Variants in TMED4 observed in about 807,000 individuals in gnomAD.
The protein encoded by TMED4 is transmembrane p24 trafficking protein 4.
In TMED4, 19 loss-of-function variants were observed where a neutral mutation model predicts 26.5. That is an observed-to-expected ratio of 0.72 (90% CI 0.50 to 1.05). The LOEUF is 1.05. Among genes scored for constraint, TMED4 ranks in the 50% least tolerant of loss-of-function variants. TMED4 has a pLI of 0.00. For synonymous variants in TMED4, 121 were observed against 119.8 expected (o/e 1.01, Z -0.07); for missense variants, 303 against 302.5 (o/e 1.00, Z -0.01).
chr7:44,581,992 G>A (rs1803018446), intron 1 of TMED4, 55 bp downstream of exon 1: 2 of 1,520,926 alleles, frequency 1.3e-6, no homozygotes, highest in Non-Finnish European at 1.8e-6. Flanking sequence ...AGGAGGGAGC[G>A]CCGCCGAGGG....
Position 44,581,507 on chromosome 7 carries a change from T to C in TMED4, c.329A>G (p.His110Arg). ...FTFTSHTPGD[H>R]QICLHSNSTR... ...AGAATTGGAGTGCAGACAGATTTGA[T>C]GGTCACCGGGCGTGTGGGAGGTGAA... Residue 110 changes from histidine (H) to arginine (R), a missense_variant, in exon 3 of 5, where the codon CAT becomes CGT. His to Arg is a conservative substitution (Grantham distance 29). Coordinates refer to ENST00000457408, the MANE Select transcript of TMED4 (RefSeq NM_182547.4). The C allele has an allele frequency of 6.2e-7, 1 of 1,614,212 alleles. No individual in the cohort carries two copies. The highest frequency in any genetic ancestry group is 8.5e-7 in the Non-Finnish European group (1 of 1,180,030).
rs1424369183 is a variant in TMED4 at position 44,579,353 on chromosome 7, T to G, written c.*126A>C. ...GCAAGTGGCTGATCTGAATGGTTTG[T>G]GGCCATGGAACCAATGTGACTTATT... On this transcript the variant is annotated 3_prime_UTR_variant, in exon 5 of 5. Coordinates refer to ENST00000457408, the MANE Select transcript of TMED4 (RefSeq NM_182547.4). 1.5e-5 allele frequency: 15 copies of G among 1,025,724 alleles called. No homozygotes were observed. The highest frequency in any genetic ancestry group is 2.6e-5 in the Admixed American group (1 of 38,702). The allele number at this position is 1,025,724 out of a possible 1,614,324, so 63.5% of individuals were successfully genotyped here. A position where few individuals can be genotyped will look rare whatever the true frequency, so the allele number is the denominator to read the frequency against.
chr7:44,581,486 T>C lies in TMED4; in HGVS notation c.350A>G (p.Asn117Ser), dbSNP rs778354191. The change falls in exon 3 of 5, where the codon AAT becomes AGT. Residue 117 changes from asparagine to serine, a missense_variant. Asn to Ser is a conservative substitution (Grantham distance 46). Coordinates refer to ENST00000457408, the MANE Select transcript of TMED4 (RefSeq NM_182547.4). ...AGCGAAGAGAGCCATCCTGGTAGAA[T>C]TGGAGTGCAGACAGATTTGATGGTC... Reference protein sequence around the residue: ...PGDHQICLHSNSTRMALFAGG... With the variant: ...PGDHQICLHSSSTRMALFAGG... 13 of 1,614,110 alleles carry C rather than the reference T, an allele frequency of 8.1e-6. No homozygotes were observed. Among genetic ancestry groups the C allele is most frequent in the East Asian group, 2.2e-5 (1 of 44,902 alleles).
At position 44,581,588 on chromosome 7, in the gene TMED4, G is replaced by C. The variant is rs1197229880; in HGVS notation, c.262-14C>G. Reference sequence around the variant, plus strand: ...GGACAGCACCACCTGCAACATATGTGAGTGAAGGCCCCACCTTTATACCGC... The same window carrying C: ...GGACAGCACCACCTGCAACATATGTCAGTGAAGGCCCCACCTTTATACCGC... On this transcript the variant is annotated splice_polypyrimidine_tract_variant and intron_variant, in intron 2 of 4. Transcript: ENST00000457408. The C allele has an allele frequency of 6.2e-7, 1 of 1,614,152 alleles. No individual in the cohort carries two copies. Among genetic ancestry groups the C allele is most frequent in the Non-Finnish European group, 8.5e-7 (1 of 1,180,038 alleles).
rs1233543080 is a variant in TMED4 at position 44,581,774 on chromosome 7, G to C, written c.210C>G (p.Pro70=). The C allele has an allele frequency of 1.9e-6, 3 of 1,614,118 alleles. No individual in the cohort carries two copies. In the African/African-American group the frequency reaches 4.0e-5, roughly 22 times the overall value. The change falls in exon 2 of 5, where the codon CCC becomes CCG. Residue 70 remains proline, a synonymous_variant. Transcript: ENST00000457408. ...CGTGCATGCCCAGGCCAGGGGTCGA[G>C]GGCAGGAAGACCTCCTTCTGCTTAT... ...MWDKQKEVFL[P]STPGLGMHVE...
chr7:44,582,106 A>T lies in TMED4; in HGVS notation c.101T>A (p.Ile34Asn). 6.4e-7 allele frequency: 1 copy of T among 1,561,020 alleles called. No homozygotes were observed. The highest frequency in any genetic ancestry group is 8.7e-7 in the Non-Finnish European group (1 of 1,152,968). ...ATGAQGLYFH[I>N]GETEKRCFIE... ...GAAACAGCGCTTCTCGGTCTCGCCGATGTGGAAGTAGAGCCCCTGGGCGCC... is the reference window on the plus strand; with the variant it reads ...GAAACAGCGCTTCTCGGTCTCGCCGTTGTGGAAGTAGAGCCCCTGGGCGCC... The change falls in exon 1 of 5, where the codon ATC becomes AAC. Residue 34 changes from isoleucine to asparagine, a missense_variant. Coordinates refer to ENST00000457408, the MANE Select transcript of TMED4 (RefSeq NM_182547.4).
rs1802914413 is a variant in TMED4, at chr7:44,579,537, G to GTGAGGA, written c.620_625dup (p.Ile207_Leu208dup). ...GAGGTGACGCATCTGCCAGATGCCA[G>GTGAGGA]TGAGGATGAGGATGACAGTCTGAGC... On this transcript the variant is annotated inframe_insertion, in exon 5 of 5. Transcript: ENST00000457408. The GTGAGGA allele has an allele frequency of 1.2e-6, 2 of 1,614,160 alleles. No homozygotes were observed. Among genetic ancestry groups the GTGAGGA allele is most frequent in the African/African-American group, 2.7e-5 (2 of 75,046 alleles).
intron 4 of TMED4, 122 bp from the exon 5 acceptor site, chr7:44,579,750 C>T: frequency 9.5e-7 from 1 of 1,052,576 alleles, no homozygotes; most frequent in Non-Finnish European, 1.4e-6. Flanking sequence ...ATCTGTGACT[C>T]CATTAGGAGT....
At position 44,582,048 on chromosome 7, in the gene TMED4, G is replaced by C; in HGVS notation, c.159C>G (p.Ile53Met). 1 of 1,558,692 alleles carries C rather than the reference G, an allele frequency of 6.4e-7. No individual in the cohort carries two copies. Among genetic ancestry groups the C allele is most frequent in the Non-Finnish European group, 8.7e-7 (1 of 1,150,552 alleles). ...CTCCCCACCCTCAGCCCGCCTGACC[G>C]ATGACCATGGTCTCGTCGGGGATTT... ...IEEIPDETMV[I>M]GNYRTQMWDK... The change falls in exon 1 of 5, where the codon ATC becomes ATG. Residue 53 changes from isoleucine to methionine, a missense_variant and splice_region_variant. Ile to Met is a conservative substitution (Grantham distance 10). Coordinates refer to ENST00000457408, the MANE Select transcript of TMED4 (RefSeq NM_182547.4).
Position 44,579,448 on chromosome 7 carries a change from G to A in TMED4, c.*31C>T. 2 of 1,597,194 alleles carry A rather than the reference G, an allele frequency of 1.3e-6. No homozygotes were observed. The highest frequency in any genetic ancestry group is 1.7e-6 in the Non-Finnish European group (2 of 1,168,906). On this transcript the variant is annotated 3_prime_UTR_variant, in exon 5 of 5. Coordinates refer to ENST00000457408, the MANE Select transcript of TMED4 (RefSeq NM_182547.4). ...TGTGGGGAAAGTACCAAATAAATGA[G>A]GTAAAAAGGAAGGGTCATACAAAGA... is the stretch of plus-strand genomic sequence containing the variant.
Position 44,578,431 on chromosome 7 carries a change from A to G in TMED4, c.*1048T>C, listed in dbSNP as rs1278822233. 1 of 152,344 alleles carries G rather than the reference A, an allele frequency of 6.6e-6. No individual in the cohort carries two copies. The highest frequency in any genetic ancestry group is 1.5e-5 in the Non-Finnish European group (1 of 68,036). The allele number at this position is 152,344 out of a possible 1,614,324, so 9.4% of individuals were successfully genotyped here. On this transcript the variant is annotated 3_prime_UTR_variant, in exon 5 of 5. Coordinates refer to ENST00000457408, the MANE Select transcript of TMED4 (RefSeq NM_182547.4). Reference sequence around the variant, plus strand: ...AAGGAGGGTAAGAGTGCATTGCCCCATTCTAGCTCTGTTGCTACCTTACCT... The same window carrying G: ...AAGGAGGGTAAGAGTGCATTGCCCCGTTCTAGCTCTGTTGCTACCTTACCT...
chr7:44,579,778 GAGGCTGCCCCAAGAAAGGGAC>G (rs2117142603), intron 4 of TMED4, 150 bp from the exon 5 acceptor site: 1 of 670,554 alleles, frequency 1.5e-6, no homozygotes, highest in South Asian at 2.9e-5. Context: ...TCTCCCCACT[GAGGCTGCCCCAAGAAAGGGAC>G]AGGCTGTCCC....
rs748452884 is a variant in TMED4, at chr7:44,582,120, C to G, written c.87G>C (p.Gly29=). ...CGGTCTCGCCGATGTGGAAGTAGAG[C>G]CCCTGGGCGCCTGTGGCGCACAGCG... The part of the protein sequence containing the change: ...LLALCATGAQ[G]LYFHIGETEK... Residue 29 remains glycine, a synonymous_variant, in exon 1 of 5, where the codon GGG becomes GGC. Coordinates refer to ENST00000457408, the MANE Select transcript of TMED4 (RefSeq NM_182547.4). The G allele has an allele frequency of 6.4e-7, 1 of 1,555,870 alleles. No homozygotes were observed. Among genetic ancestry groups the G allele is most frequent in the Non-Finnish European group, 8.7e-7 (1 of 1,149,878 alleles).
In TMED4 at chr7:44,579,405, C is replaced by T; in HGVS notation, c.*74G>A. 1.4e-6 allele frequency: 2 copies of T among 1,474,068 alleles called. No homozygotes were observed. The highest frequency in any genetic ancestry group is 1.8e-6 in the Non-Finnish European group (2 of 1,092,992). The allele number at this position is 1,474,068 out of a possible 1,614,324, so 91.3% of individuals were successfully genotyped here. A position where few individuals can be genotyped will look rare whatever the true frequency, so the allele number is the denominator to read the frequency against. ...TTTTTCATTTTTTTCCCTAAAAATC[C>T]AGGTGGATAAAGGACTGTGTGGGGA... On this transcript the variant is annotated 3_prime_UTR_variant, in exon 5 of 5. Coordinates refer to ENST00000457408, the MANE Select transcript of TMED4 (RefSeq NM_182547.4).
Position 44,581,540 on chromosome 7 carries a change from C to A in TMED4, c.296G>T (p.Arg99Leu). The A allele has an allele frequency of 6.2e-7, 1 of 1,614,148 alleles. No individual in the cohort carries two copies. The highest frequency in any genetic ancestry group is 8.5e-7 in the Non-Finnish European group (1 of 1,180,030). Reference sequence around the variant, plus strand: ...GGGCGTGTGGGAGGTGAACGTGAAGCGGCCCTCCGAGCCGTACTGCCGGGA... The same window carrying A: ...GGGCGTGTGGGAGGTGAACGTGAAGAGGCCCTCCGAGCCGTACTGCCGGGA... ...VLSRQYGSEG[R>L]FTFTSHTPGD... Residue 99 changes from arginine to leucine, a missense_variant, in exon 3 of 5, where the codon CGC becomes CTC. Coordinates refer to ENST00000457408, the MANE Select transcript of TMED4 (RefSeq NM_182547.4).
intron 2 of TMED4, 34 bp downstream of exon 2, chr7:44,581,689 G>T (rs367596536): frequency 2.1e-4 from 345 of 1,613,936 alleles, no homozygotes; most frequent in Admixed American, 3.5e-4. Context: ...GAGCTCCACT[G>T]AAGAACGGCT....
intron 3 of TMED4, 90 bp from the exon 4 acceptor site, chr7:44,581,329 A>G (rs1357979003): frequency 6.3e-7 from 1 of 1,598,618 alleles, no homozygotes; most frequent in Admixed American, 1.7e-5. Context: ...GCTGTGGAGC[A>G]GAAGGCAACA....
At chr7:44,581,851 G>A in intron 1 of TMED4, 28 bp from the exon 2 acceptor site, 2 of 1,608,474 alleles carry the variant, frequency 1.2e-6, no homozygotes, top group South Asian at 2.2e-5. Context: ...AGTCACGACC[G>A]GCCCTAGTGG....
Position 44,579,350 on chromosome 7 carries a change from T to G in TMED4, c.*129A>C. ...TCAGCAAGTGGCTGATCTGAATGGT[T>G]TGTGGCCATGGAACCAATGTGACTT... On this transcript the variant is annotated 3_prime_UTR_variant, in exon 5 of 5. Coordinates refer to ENST00000457408, the MANE Select transcript of TMED4 (RefSeq NM_182547.4). 2.0e-6 allele frequency: 2 copies of G among 999,012 alleles called. No homozygotes were observed. Among genetic ancestry groups the G allele is most frequent in the Non-Finnish European group, 2.9e-6 (2 of 691,666 alleles). The allele number at this position is 999,012 out of a possible 1,614,324, so 61.9% of individuals were successfully genotyped here.
Sources: allele counts gnomAD v4.1 joint callset, GRCh38; gene constraint gnomAD v4.1.1; transcripts MANE v1.5; gene names NCBI Gene and HGNC (gene_info 2026-07-23, HGNC 2026-07-21).